The following TRMT9B variants were observed in gnomAD, a reference collection of about 807,000 sequenced individuals.
TRMT9B encodes the protein tRNA methyltransferase 9B (putative).
A neutral mutation model predicts 11.5 loss-of-function variants in TRMT9B; 16 were observed. The ratio of observed to expected loss-of-function variants is 1.39; its 90% CI spans 0.94 to 2.11. The LOEUF is 2.11. Among genes scored for constraint, TRMT9B ranks in the 30% most tolerant of loss-of-function variants. The pLI is 0.00. For synonymous variants in TRMT9B, 274 were observed against 192.4 expected (o/e 1.42, Z -3.51); for missense variants, 941 against 553.8 (o/e 1.70, Z -7.02).
rs1200966667 is a variant in TRMT9B, at chr8:13,024,876, C to G, written c.*2832C>G. The G allele has an allele frequency of 1.8e-5, 3 of 166,934 alleles. No homozygotes were observed. The highest frequency in any genetic ancestry group is 6.5e-5 in the Admixed American group (1 of 15,270). The allele number at this position is 166,934 out of a possible 1,614,324, so 10.3% of individuals were successfully genotyped here. On this transcript the variant is annotated 3_prime_UTR_variant, in exon 5 of 5. Transcript: ENST00000524591. ...CTCTTTGGGGTAGTCACATGGAAAG[C>G]TCTTTTAAATTTAACTTCCGCCTTT...
At chr8:12,994,354 T>A (rs1197940400) in intron 2 of TRMT9B, among the ~76,000 whole-genome samples, 1 of 152,242 alleles carries the variant, frequency 6.6e-6, no homozygotes, top group Non-Finnish European at 1.5e-5. Context: ...AAAACTTTTT[T>A]ATTTTTTAAG....
In TRMT9B at chr8:13,015,330, C is replaced by T. The variant is rs1812440140; in HGVS notation, c.328+2473C>T. On this transcript the variant is annotated intron_variant, in intron 4 of 4. Transcript: ENST00000524591. The stretch of plus-strand genomic sequence containing the variant: ...TAACTTTTCAAGTGTACATGTCTCG[C>T]CTCCCTAACCTTCAGCATTTAGAAT... Among the ~76,000 whole-genome samples the T allele has an allele frequency of 2.6e-5, 4 of 152,004 alleles. No individual in the cohort carries two copies. In the South Asian group the frequency reaches 8.3e-4, roughly 32 times the overall value.
intron 2 of TRMT9B, among the ~76,000 whole-genome samples, chr8:13,000,105 C>T (rs1165802819): frequency 2.0e-5 from 3 of 152,092 alleles, no homozygotes; most frequent in Admixed American, 2.0e-4. Context: ...ATCAAGAGTT[C>T]TGAGGGACCC....
intron 1 of TRMT9B, among the ~76,000 whole-genome samples, chr8:12,957,732 A>AT (rs1237962084): frequency 2.0e-5 from 3 of 152,234 alleles, no homozygotes; most frequent in African/African-American, 4.8e-5. Context: ...GCTTGATTGC[A>AT]TTAACTGCAA....
intron 1 of TRMT9B, chr8:12,952,801 A>G (rs547856039): frequency 1.9e-5 from 9 of 477,976 alleles, no homozygotes; most frequent in Non-Finnish European, 2.5e-5. Context: ...GTGCAATGGC[A>G]CGATCTCGGC....
intron 1 of TRMT9B, among the ~76,000 whole-genome samples, chr8:12,965,874 G>A (rs1159742497): frequency 6.6e-6 from 1 of 151,622 alleles, no homozygotes; most frequent in African/African-American, 2.4e-5. Flanking sequence ...TCAGCCGGGT[G>A]TGGTGGCGGG....
intron 3 of TRMT9B, among the ~76,000 whole-genome samples, chr8:13,008,872 T>G (rs952407907): frequency 1.2e-4 from 18 of 152,006 alleles, no homozygotes; most frequent in Admixed American, 3.9e-4. Context: ...GGGACTACAG[T>G]TGCCCGCCAC....
At chr8:12,952,939 C>A (rs1800818245) in intron 1 of TRMT9B, among the ~76,000 whole-genome samples, 1 of 152,162 alleles carries the variant, frequency 6.6e-6, no homozygotes, top group South Asian at 2.1e-4. Context: ...GGGGTTTCAC[C>A]ATGTTGGTCA....
chr8:13,020,417 G>C (rs186215923), intron 4 of TRMT9B, among the ~76,000 whole-genome samples: 1 of 152,254 alleles, frequency 6.6e-6, no homozygotes, highest in Non-Finnish European at 1.5e-5. Flanking sequence ...AAATGATGAT[G>C]TATACATTGA....
At chr8:12,967,032 G>A (rs947812194) in intron 1 of TRMT9B, among the ~76,000 whole-genome samples, 1 of 152,222 alleles carries the variant, frequency 6.6e-6, no homozygotes, top group Non-Finnish European at 1.5e-5. Flanking sequence ...CTCCCAAGGT[G>A]TGGGAAGGAT....
intron 1 of TRMT9B, among the ~76,000 whole-genome samples, chr8:12,981,176 C>A (rs1585188728): frequency 6.6e-6 from 1 of 152,182 alleles, no homozygotes; most frequent in East Asian, 1.9e-4. Context: ...TCCACGAAGT[C>A]ACTCTGCGGA....
intron 1 of TRMT9B, among the ~76,000 whole-genome samples, chr8:12,969,611 A>AG (rs1021261585): frequency 6.6e-6 from 1 of 151,952 alleles, no homozygotes; most frequent in Non-Finnish European, 1.5e-5. Context: ...TATTTGTATT[A>AG]TTTTTTATTT....
intron 1 of TRMT9B, among the ~76,000 whole-genome samples, chr8:12,956,240 A>C (rs1801295670): frequency 2.6e-5 from 4 of 152,184 alleles, no homozygotes; most frequent in Admixed American, 2.6e-4. Flanking sequence ...ATCATGCCTA[A>C]CACATATCTA....
intron 1 of TRMT9B, among the ~76,000 whole-genome samples, chr8:12,966,877 AT>A: frequency 6.6e-6 from 1 of 152,318 alleles, no homozygotes; most frequent in African/African-American, 2.4e-5. Context: ...GAGCAAAAAA[AT>A]CGGCTTTACC....
intron 3 of TRMT9B, among the ~76,000 whole-genome samples, chr8:13,008,239 A>C (rs1264058953): frequency 6.6e-6 from 1 of 152,226 alleles, no homozygotes; most frequent in Admixed American, 6.5e-5. Context: ...TCTAACACAT[A>C]TATTTTGTCC....
At chr8:12,998,685 G>A (rs1013091591) in intron 2 of TRMT9B, among the ~76,000 whole-genome samples, 1 of 152,186 alleles carries the variant, frequency 6.6e-6, no homozygotes, top group Non-Finnish European at 1.5e-5. Flanking sequence ...ACAAAACAAA[G>A]CCTTCTTTCT....
chr8:12,977,026 C>T (rs1473456550), intron 1 of TRMT9B, among the ~76,000 whole-genome samples: 2 of 152,176 alleles, frequency 1.3e-5, no homozygotes, highest in East Asian at 3.9e-4. Context: ...GGAGAGCCTC[C>T]TGGAGGTGCT....
intron 2 of TRMT9B, among the ~76,000 whole-genome samples, chr8:12,992,657 G>T (rs1272821258): frequency 6.6e-6 from 1 of 151,804 alleles, no homozygotes; most frequent in East Asian, 1.9e-4. Flanking sequence ...TTTGAGACCA[G>T]CCTGGGCAAC....
rs980102947 is a variant in TRMT9B, at chr8:13,021,083, G to A, written c.404G>A (p.Gly135Asp). 2 of 1,607,006 alleles carry A rather than the reference G, an allele frequency of 1.2e-6. No homozygotes were observed. The highest frequency in any genetic ancestry group is 1.7e-4 in the Middle Eastern group (1 of 6,040). The part of the protein sequence containing the change: ...KEMARVLVPG[G>D]QLMIYVWAME... ...ATGGCCAGGGTCTTAGTTCCCGGAG[G>A]CCAACTGATGATTTACGTTTGGGCA... The change falls in exon 5 of 5, where the codon GGC (glycine) becomes GAC (aspartate). Residue 135 changes from glycine (G) to aspartate (D), a missense_variant. By Grantham distance (94) the Gly-to-Asp change is moderately conservative. Coordinates refer to ENST00000524591, the MANE Select transcript of TRMT9B (RefSeq NM_020844.3).
Sources: allele counts gnomAD v4.1 joint callset (sites outside exome capture counted in the v4.1 genomes callset), GRCh38; gene constraint gnomAD v4.1.1; transcripts MANE v1.5; gene names NCBI Gene and HGNC (gene_info 2026-07-23, HGNC 2026-07-21).